The following APBA2 variants were observed in gnomAD, a reference collection of about 807,000 sequenced individuals.
The protein encoded by APBA2 is amyloid-beta A4 precursor protein-binding family A member 2.
In APBA2, 30 loss-of-function variants were observed where a neutral mutation model predicts 75.0. The ratio of observed to expected loss-of-function variants is 0.40; its 90% CI spans 0.30 to 0.54. The LOEUF (loss-of-function observed/expected upper bound fraction) is 0.54, where lower values mean the gene tolerates loss of function less well. Among genes scored for constraint, APBA2 ranks in the 20% least tolerant of loss-of-function variants. The probability of loss-of-function intolerance (pLI) is 0.49; values close to 1 mark genes in which losing one functional copy is unlikely to be tolerated. For missense variants in APBA2, 801 were observed against 1,016.1 expected (o/e 0.79, Z 2.88); for synonymous variants, 444 against 409.6 (o/e 1.08, Z -1.01).
intron 1 of APBA2, among the ~76,000 whole-genome samples, chr15:28,894,205 A>AC (rs1340509807): frequency 4.6e-5 from 7 of 152,110 alleles, no homozygotes; most frequent in African/African-American, 1.7e-4. Flanking sequence ...GGGGGCAGGT[A>AC]CCCTTCACTT....
chr15:29,092,361 T>C (rs1326662188), intron 6 of APBA2, among the ~76,000 whole-genome samples: 1 of 152,216 alleles, frequency 6.6e-6, no homozygotes, highest in Non-Finnish European at 1.5e-5. Flanking sequence ...AACATGTGGC[T>C]CTTTATATTT....
intron 2 of APBA2, among the ~76,000 whole-genome samples, chr15:28,928,225 T>C (rs2152683945): frequency 6.6e-6 from 1 of 152,064 alleles, no homozygotes; most frequent in South Asian, 2.1e-4. Flanking sequence ...ATATGATGTA[T>C]AGGGTGATGG....
intron 2 of APBA2, among the ~76,000 whole-genome samples, chr15:28,945,494 T>G (rs1376574274): frequency 6.6e-6 from 1 of 151,194 alleles, no homozygotes; most frequent in Non-Finnish European, 1.5e-5. Context: ...TGGCTAGACA[T>G]CTGAAAATCA....
intron 14 of APBA2, among the ~76,000 whole-genome samples, chr15:29,114,803 G>A (rs1567035393): frequency 6.8e-6 from 1 of 147,854 alleles, no homozygotes; most frequent in African/African-American, 2.5e-5. Flanking sequence ...TGTGTGTGTG[G>A]GTGAGTGTAT....
chr15:28,983,570 C>A (rs1273988915), intron 2 of APBA2, among the ~76,000 whole-genome samples: 1 of 152,194 alleles, frequency 6.6e-6, no homozygotes, highest in Non-Finnish European at 1.5e-5. Context: ...GCTGAAGCTC[C>A]CAAGGCATGT....
intron 3 of APBA2, among the ~76,000 whole-genome samples, chr15:29,050,381 A>G (rs1317645128): frequency 5.9e-5 from 9 of 152,262 alleles, no homozygotes; most frequent in African/African-American, 2.2e-4. Flanking sequence ...CAAAATAAAA[A>G]TGAAATCCCA....
intron 2 of APBA2, among the ~76,000 whole-genome samples, chr15:28,973,715 A>G (rs2037191268): frequency 6.6e-6 from 1 of 152,236 alleles, no homozygotes; most frequent in Admixed American, 6.5e-5. Context: ...TATAAATGTT[A>G]TATATTCTGA....
chr15:29,077,119 G>A lies in APBA2; in HGVS notation c.1069+1028G>A, dbSNP rs116669692. ...GTTCCATTTTGACCAATTCAGATAG[G>A]CTAAAATGGGTTTTGCCCAGCAGTT... On this transcript the variant is annotated intron_variant, in intron 6 of 14. Transcript: ENST00000683413. Among the ~76,000 whole-genome samples the A allele has an allele frequency of 3.2e-3, 487 of 152,290 alleles. 1 individual carries two copies. The highest frequency in any genetic ancestry group is 0.011 in the African/African-American group (464 of 41,560).
intron 2 of APBA2, among the ~76,000 whole-genome samples, chr15:28,940,392 G>A (rs1443583260): frequency 7.0e-6 from 1 of 142,742 alleles, no homozygotes; most frequent in Non-Finnish European, 1.5e-5. Flanking sequence ...AAAAAATAGC[G>A]GGGCGTGGTG....
intron 3 of APBA2, among the ~76,000 whole-genome samples, chr15:29,024,061 G>C (rs1337864092): frequency 6.6e-6 from 1 of 151,600 alleles, no homozygotes. Context: ...ATGCCACCAT[G>C]CCTGGCTAAT....
chr15:29,095,221 A>G (rs2152954569), intron 8 of APBA2, among the ~76,000 whole-genome samples: 1 of 152,270 alleles, frequency 6.6e-6, no homozygotes, highest in East Asian at 1.9e-4. Flanking sequence ...TGAGGTCGGG[A>G]GTTCGAGATT....
chr15:29,010,891 A>G (rs906080631), intron 3 of APBA2, among the ~76,000 whole-genome samples: 5 of 152,198 alleles, frequency 3.3e-5, no homozygotes, highest in African/African-American at 1.2e-4. Context: ...TACCATCTTA[A>G]CCATTTTTAA....
At chr15:28,959,097 T>A (rs2036327774) in intron 2 of APBA2, among the ~76,000 whole-genome samples, 1 of 152,150 alleles carries the variant, frequency 6.6e-6, no homozygotes, top group Non-Finnish European at 1.5e-5. Context: ...AAAGCTATTC[T>A]CCTGCCTCAG....
In APBA2 at chr15:29,053,929, C is replaced by A. The variant is rs1566949996; in HGVS notation, c.45C>A (p.Asp15Glu). The A allele has an allele frequency of 1.9e-6, 3 of 1,613,814 alleles. No homozygotes were observed. The highest frequency in any genetic ancestry group is 1.1e-5 in the South Asian group (1 of 91,042). Reference protein sequence around the residue: ...KLESVGSGMLDHRVRPGPVPH... With the variant: ...KLESVGSGMLEHRVRPGPVPH... ...AGAGCGTGGGGAGCGGCATGTTGGA[C>A]CATAGGGTGAGACCAGGTCCTGTCC... Residue 15 changes from aspartate to glutamate, a missense_variant, in exon 4 of 15, where the codon GAC (aspartate) becomes GAA (glutamate). Physicochemically the swap from Asp to Glu is conservative, Grantham distance 45 (BLOSUM62 2). Around this residue, in one of 2 missense-constraint regions of APBA2, gnomAD observed 434 missense variants for 471.6 expected, o/e 0.92. Coordinates refer to ENST00000683413, the MANE Select transcript of APBA2 (RefSeq NM_001353788.2).
At chr15:28,937,096 C>T (rs1254476882) in intron 2 of APBA2, among the ~76,000 whole-genome samples, 5 of 152,186 alleles carry the variant, frequency 3.3e-5, no homozygotes, top group Admixed American at 6.5e-5. Flanking sequence ...CGCTCTCTCA[C>T]GAGACACAGG....
chr15:29,005,896 G>C (rs1337460553), intron 3 of APBA2, among the ~76,000 whole-genome samples: 2 of 151,200 alleles, frequency 1.3e-5, no homozygotes, highest in Non-Finnish European at 2.9e-5. Context: ...AATAAATATT[G>C]CTTTGACAGT....
chr15:28,976,243 G>T (rs2037330223), intron 2 of APBA2, among the ~76,000 whole-genome samples: 1 of 152,172 alleles, frequency 6.6e-6, no homozygotes, highest in African/African-American at 2.4e-5. Context: ...GCAGCTTGGG[G>T]CTTTTCTCTA....
At chr15:28,968,027 G>A (rs900266202) in intron 2 of APBA2, among the ~76,000 whole-genome samples, 9 of 152,270 alleles carry the variant, frequency 5.9e-5, no homozygotes, top group East Asian at 1.9e-4. Flanking sequence ...GGTACCTCAC[G>A]TAAGTGGAAT....
intron 2 of APBA2, among the ~76,000 whole-genome samples, chr15:28,952,887 G>A (rs2035966192): frequency 6.6e-6 from 1 of 152,186 alleles, no homozygotes. Flanking sequence ...GAGCAATGAT[G>A]TGATTTTTGC....
Sources: gnomAD v4.1 joint callset for allele counts (sites outside exome capture counted in the v4.1 genomes callset) on GRCh38, gnomAD v4.1.1 for gene constraint, gnomAD v4.1.1 regional missense constraint, MANE v1.5 for transcripts, NCBI Gene and HGNC (gene_info 2026-07-23, HGNC 2026-07-21) for gene names.